Variants in RNF43 observed in about 807,000 individuals in gnomAD.
The protein encoded by RNF43 is E3 ubiquitin-protein ligase RNF43.
RNF43 carries 37 observed loss-of-function variants against 78.4 expected under a neutral mutation model. The observed-to-expected ratio is 0.47, with a 90% confidence interval of 0.36 to 0.62. The LOEUF (loss-of-function observed/expected upper bound fraction) is 0.62. Among genes scored for constraint, RNF43 ranks in the 20% least tolerant of loss-of-function variants. RNF43 has a pLI of 0.00. For missense variants in RNF43, 774 were observed against 1,007.9 expected, an observed-to-expected ratio of 0.77 and a Z score of 3.14; for synonymous variants, 347 against 395.0, an observed-to-expected ratio of 0.88 and a Z score of 1.44.
intron 3 of RNF43, among the ~76,000 whole-genome samples, chr17:58,369,343 C>T (rs560681108): frequency 6.6e-6 from 1 of 152,338 alleles, no homozygotes; most frequent in African/African-American, 2.4e-5. Context: ...GAGTCCCCTT[C>T]CTTGTCAGCA....
intron 2 of RNF43, among the ~76,000 whole-genome samples, chr17:58,380,651 G>C (rs1973293292): frequency 1.3e-5 from 2 of 152,332 alleles, no homozygotes; most frequent in South Asian, 4.1e-4. Context: ...AAACACCAAA[G>C]AAATGAAACT....
At chr17:58,415,189 T>C (rs896130726) in intron 2 of RNF43, 137 bp downstream of exon 2, 75 of 813,262 alleles carry the variant, frequency 9.2e-5, no homozygotes, top group Non-Finnish European at 1.3e-4. Flanking sequence ...AGAATGCCAA[T>C]AAGGCAGTAT....
chr17:58,362,029 T>C (rs888860906), intron 6 of RNF43, among the ~76,000 whole-genome samples: 1 of 151,662 alleles, frequency 6.6e-6, no homozygotes, highest in South Asian at 2.1e-4. Context: ...GAGATTGCAG[T>C]GAGCCGAGAT....
Position 58,360,753 on chromosome 17 carries a change from C to T in RNF43, c.849+30G>A, listed in dbSNP as rs1972817986. ...CCAGCTTCAATCTCCCCAGTCTGGT[C>T]ATGGAGGTGAACCACAAGACCTGCC... On this transcript the variant is annotated intron_variant, in intron 7 of 9. Transcript: ENST00000407977. This position sits in a 1 kb window ranked among gnomAD's most constrained non-coding sequence, Gnocchi z 4.3. The T allele has an allele frequency of 6.3e-7, 1 of 1,589,248 alleles. No individual in the cohort carries two copies. Among genetic ancestry groups the T allele is most frequent in the East Asian group, 2.3e-5 (1 of 44,180 alleles).
rs149328155 is a variant in RNF43 at position 58,402,106 on chromosome 17, T to TA, written c.252+13219dup. Among the ~76,000 whole-genome samples, 6 of 152,342 alleles carry TA rather than the reference T, an allele frequency of 3.9e-5. No individual in the cohort carries two copies. The East Asian group carries it at 1.2e-3, about 29-fold the overall frequency. On this transcript the variant is annotated intron_variant, in intron 2 of 9. Transcript: ENST00000407977. ...GCAAAGATAGACAATTGATTATTTT[T>TA]ACCAGGTTTGTCTCCAGGGCAAGTC...
chr17:58,385,117 G>A (rs1041712983), intron 2 of RNF43, among the ~76,000 whole-genome samples: 6 of 152,066 alleles, frequency 3.9e-5, no homozygotes, highest in African/African-American at 1.5e-4. Context: ...GTCCTCACTT[G>A]TTGCCTCTTC....
chr17:58,395,232 A>G (rs533889681), intron 2 of RNF43, among the ~76,000 whole-genome samples: 33 of 152,366 alleles, frequency 2.2e-4, no homozygotes, highest in African/African-American at 7.9e-4. Flanking sequence ...AATGACTTTG[A>G]GACAGCCAAA....
In RNF43 at chr17:58,362,693, G is replaced by A. The variant is rs749687488; in HGVS notation, c.583-45C>T. On this transcript the variant is annotated intron_variant, in intron 5 of 9. Transcript: ENST00000407977. ...GGAAAGGGTCATACTTCCGGGATGA[G>A]CTGGGTCAATTCGGGAGGAAACACA... 20 of 1,477,662 alleles carry A rather than the reference G, an allele frequency of 1.4e-5. 3 individuals carry two copies. In the Middle Eastern group the frequency reaches 1.1e-3, roughly 78 times the overall value. The allele number at this position is 1,477,662 out of a possible 1,614,324, so 91.5% of individuals were successfully genotyped here.
chr17:58,360,947 G>A lies in RNF43; in HGVS notation c.688-3C>T, dbSNP rs201176497. On this transcript the variant is annotated splice_polypyrimidine_tract_variant and splice_region_variant and intron_variant, in intron 6 of 9. Coordinates refer to ENST00000407977, the MANE Select transcript of RNF43 (RefSeq NM_017763.6). This position sits in a 1 kb window ranked among gnomAD's most constrained non-coding sequence, Gnocchi z 4.3. ...GCTGTTCTCTGCTGAAGCGGATCCT[G>A]GGAAGAGGAATGGGGCTCAGATTGG... 43 of 1,559,762 alleles carry A rather than the reference G, an allele frequency of 2.8e-5. No homozygotes were observed. The Middle Eastern group carries it at 5.4e-4, about 20-fold the overall frequency.
rs1311732774 is a variant in RNF43, at chr17:58,357,391, G to A, written c.2308+77C>T. On this transcript the variant is annotated intron_variant, in intron 9 of 9. Transcript: ENST00000407977. The surrounding 1 kb of genome is among the most constrained non-coding windows in gnomAD (Gnocchi z 4.5). ...TCTCAGCTTCCATCAACCCTTTGTT[G>A]GCTGACTTCACCTGTCCTGAAATAT... 1.3e-6 allele frequency: 2 copies of A among 1,572,090 alleles called. No individual in the cohort carries two copies. Among genetic ancestry groups the A allele is most frequent in the Admixed American group, 1.7e-5 (1 of 59,936 alleles).
At chr17:58,389,618 C>T (rs547190611) in intron 2 of RNF43, among the ~76,000 whole-genome samples, 9 of 152,316 alleles carry the variant, frequency 5.9e-5, no homozygotes, top group African/African-American at 2.2e-4. Context: ...AAAAGATAGA[C>T]TCCATGTTCA....
chr17:58,415,859 C>T lies in RNF43; in HGVS notation c.-282G>A, dbSNP rs2143699527. ...GACTAGTAAAGATCTCACCACTTCT[C>T]TTTGGAATTTCCAACTTTGCTTGTG... On this transcript the variant is annotated 5_prime_UTR_variant, in exon 2 of 10. Transcript: ENST00000407977. 4.3e-6 allele frequency: 2 copies of T among 468,678 alleles called. No homozygotes were observed. The highest frequency in any genetic ancestry group is 6.8e-5 in the East Asian group (2 of 29,242). 29.0% of individuals were successfully genotyped at this position (468,678 alleles called of 1,614,324 possible).
rs555846831 is a variant in RNF43 at position 58,360,520 on chromosome 17, A to T, written c.849+263T>A. Among the ~76,000 whole-genome samples, 1 of 152,198 alleles carries T rather than the reference A, an allele frequency of 6.6e-6. No individual in the cohort carries two copies. Among genetic ancestry groups the T allele is most frequent in the South Asian group, 2.1e-4 (1 of 4,832 alleles). On this transcript the variant is annotated intron_variant, in intron 7 of 9. Coordinates refer to ENST00000407977, the MANE Select transcript of RNF43 (RefSeq NM_017763.6). The surrounding 1 kb of genome is among the most constrained non-coding windows in gnomAD (Gnocchi z 4.3). Reference sequence around the variant, plus strand: ...GAATCTAACCCCACCCTTCATTGCCATGGGTCTAAAATGAGATAATGCATC... The same window carrying T: ...GAATCTAACCCCACCCTTCATTGCCTTGGGTCTAAAATGAGATAATGCATC...
chr17:58,354,916 T>A lies in RNF43; in HGVS notation c.*27A>T. 1 of 1,611,750 alleles carries A rather than the reference T, an allele frequency of 6.2e-7. No individual in the cohort carries two copies. Among genetic ancestry groups the A allele is most frequent in the Non-Finnish European group, 8.5e-7 (1 of 1,177,838 alleles). ...GGGCCCAAACACATCTGGAGCACACTCTTGGTTGGAGCTAGGCCTGAACAT... is the reference window on the plus strand; with the variant it reads ...GGGCCCAAACACATCTGGAGCACACACTTGGTTGGAGCTAGGCCTGAACAT... On this transcript the variant is annotated 3_prime_UTR_variant, in exon 10 of 10. Coordinates refer to ENST00000407977, the MANE Select transcript of RNF43 (RefSeq NM_017763.6).
chr17:58,413,892 A>G (rs1446495493), intron 2 of RNF43, among the ~76,000 whole-genome samples: 1 of 152,218 alleles, frequency 6.6e-6, no homozygotes, highest in Non-Finnish European at 1.5e-5. Flanking sequence ...AAATATGACT[A>G]GCAAAATTAC....
intron 2 of RNF43, among the ~76,000 whole-genome samples, chr17:58,406,755 C>CT (rs1213791214): frequency 0.014 from 2,009 of 144,048 alleles, 24 homozygotes; most frequent in Non-Finnish European, 0.023. Context: ...GAAATCTATA[C>CT]TTTTTTTTTT....
At chr17:58,373,634 A>G (rs1973146599) in intron 2 of RNF43, among the ~76,000 whole-genome samples, 1 of 152,212 alleles carries the variant, frequency 6.6e-6, no homozygotes, top group African/African-American at 2.4e-5. Flanking sequence ...TGGAATATCC[A>G]TCTCCTCAAG....
chr17:58,379,315 C>T (rs1309693835), intron 2 of RNF43, among the ~76,000 whole-genome samples: 3 of 152,184 alleles, frequency 2.0e-5, no homozygotes, highest in Admixed American at 2.0e-4. Context: ...CTCCCAGCCT[C>T]GGCTTCCTTC....
At chr17:58,379,647 T>C (rs750760814) in intron 2 of RNF43, among the ~76,000 whole-genome samples, 1 of 152,184 alleles carries the variant, frequency 6.6e-6, no homozygotes, top group Non-Finnish European at 1.5e-5. Flanking sequence ...GGTGGGGTTC[T>C]CCTGACCCCA....
Sources: allele counts gnomAD v4.1 joint callset (sites outside exome capture counted in the v4.1 genomes callset), GRCh38; gene constraint gnomAD v4.1.1; non-coding constraint Gnocchi (gnomAD v3.1); transcripts MANE v1.5; gene names NCBI Gene and HGNC (gene_info 2026-07-23, HGNC 2026-07-21).